RSPH1: variants seen among roughly 807,000 people sequenced by gnomAD.
RSPH1 encodes radial spoke head component 1, also known as radial spoke head 1 homolog.
A neutral mutation model predicts 44.2 loss-of-function variants in RSPH1; 32 were observed. The observed-to-expected ratio is 0.72, with a 90% CI of 0.55 to 0.97. The LOEUF is 0.97. RSPH1 is among the 50% of genes least tolerant of loss of function. RSPH1 has a pLI of 0.00. For synonymous variants in RSPH1, 134 were observed against 147.3 expected (o/e 0.91, Z 0.65); for missense variants, 391 against 398.7 (o/e 0.98, Z 0.16).
chr21:42,478,812 A>G (rs1044954557), intron 6 of RSPH1, among the ~76,000 whole-genome samples: 2 of 152,260 alleles, frequency 1.3e-5, no homozygotes, highest in Non-Finnish European at 2.9e-5. Flanking sequence ...CCATCAACAG[A>G]CAAATGGATA....
rs577891231 is a variant in RSPH1, at chr21:42,475,977, A to G, written c.798T>C (p.Pro266=). ...GGAGGACGTCTGCATCTTCATCTCCAGGCCTCATGTCCATCTCACCCTCGA... is the reference window on the plus strand; with the variant it reads ...GGAGGACGTCTGCATCTTCATCTCCGGGCCTCATGTCCATCTCACCCTCGA... The part of the protein sequence containing the change: ...EGFEGEMDMR[P]GDEDADVLRE... The change falls in exon 8 of 9, where the codon CCT becomes CCC. Residue 266 remains proline, a synonymous_variant. Transcript: ENST00000291536. 8 of 1,612,902 alleles carry G rather than the reference A, an allele frequency of 5.0e-6. No individual in the cohort carries two copies. The South Asian group carries it at 6.6e-5, about 13-fold the overall frequency.
chr21:42,475,254 C>T (rs973850243), intron 8 of RSPH1, among the ~76,000 whole-genome samples: 5 of 152,116 alleles, frequency 3.3e-5, no homozygotes, highest in African/African-American at 4.8e-5. Flanking sequence ...AGCTAGTTCC[C>T]GACACCACTA....
chr21:42,478,177 G>C (rs1032335145), intron 6 of RSPH1, among the ~76,000 whole-genome samples: 1 of 152,224 alleles, frequency 6.6e-6, no homozygotes, highest in Non-Finnish European at 1.5e-5. Flanking sequence ...TCAGTTTTGT[G>C]ACTATCACAA....
chr21:42,473,578 T>G (rs1056129648), intron 8 of RSPH1, among the ~76,000 whole-genome samples: 1 of 152,190 alleles, frequency 6.6e-6, no homozygotes, highest in African/African-American at 2.4e-5. Context: ...CTATTTTTTA[T>G]TATTAATTAA....
chr21:42,481,215 A>T (rs1191402416), intron 6 of RSPH1, among the ~76,000 whole-genome samples: 1 of 151,876 alleles, frequency 6.6e-6, no homozygotes, highest in Non-Finnish European at 1.5e-5. Flanking sequence ...ATATATATAT[A>T]TATACCTGGC....
At chr21:42,489,638 G>A (rs1317334423) in intron 3 of RSPH1, among the ~76,000 whole-genome samples, 3 of 152,206 alleles carry the variant, frequency 2.0e-5, no homozygotes, top group East Asian at 3.9e-4. Flanking sequence ...ACACTTATGG[G>A]GAAACACTCG....
chr21:42,493,209 C>G (rs1175582453), intron 1 of RSPH1, 130 bp from the exon 2 acceptor site: 16 of 758,594 alleles, frequency 2.1e-5, no homozygotes, highest in Non-Finnish European at 3.3e-5. Flanking sequence ...ACTCAATTGT[C>G]CCACCTTTCC....
At chr21:42,486,187 T>C in intron 4 of RSPH1, 184 bp downstream of exon 4, 1 of 601,398 alleles carries the variant, frequency 1.7e-6, no homozygotes, top group Non-Finnish European at 3.0e-6. Flanking sequence ...GTCAGATACT[T>C]GAGTCTACAC....
At chr21:42,488,939 G>A (rs971471430) in intron 3 of RSPH1, among the ~76,000 whole-genome samples, 3 of 152,064 alleles carry the variant, frequency 2.0e-5, no homozygotes, top group Admixed American at 1.3e-4. Flanking sequence ...TCTTGAACTT[G>A]TCAACTGAGG....
intron 3 of RSPH1, among the ~76,000 whole-genome samples, chr21:42,487,933 A>G (rs1313495050): frequency 6.6e-6 from 1 of 152,246 alleles, no homozygotes; most frequent in Non-Finnish European, 1.5e-5. Flanking sequence ...TGTACAAAGG[A>G]CAGTGCATGT....
intron 8 of RSPH1, among the ~76,000 whole-genome samples, chr21:42,473,455 A>T (rs2054013649): frequency 6.7e-6 from 1 of 149,314 alleles, no homozygotes; most frequent in Non-Finnish European, 1.5e-5. Context: ...ACGCCATTGC[A>T]CTTCAGCCTG....
At chr21:42,482,855 G>T in intron 5 of RSPH1, 147 bp from the exon 6 acceptor site, 1 of 579,236 alleles carries the variant, frequency 1.7e-6, no homozygotes, top group Non-Finnish European at 3.0e-6. Flanking sequence ...ACTCGTGGCT[G>T]ATGGGATTGG....
At chr21:42,493,133 G>GCATTTTGTAAATATGCTTTTGTAAATTTT in intron 1 of RSPH1, 54 bp from the exon 2 acceptor site, 1 of 1,423,208 alleles carries the variant, frequency 7.0e-7, no homozygotes, top group East Asian at 2.3e-5. Flanking sequence ...GCGCTAACCA[G>GCATTTTGTAAATATGCTTTTGTAAATTTT]GTGCTAAGCA....
At chr21:42,481,126 C>T (rs1275352617) in intron 6 of RSPH1, among the ~76,000 whole-genome samples, 1 of 152,086 alleles carries the variant, frequency 6.6e-6, no homozygotes, top group Non-Finnish European at 1.5e-5. Flanking sequence ...GCAGATCCCT[C>T]ATGAATGGTT....
chr21:42,492,687 A>C, intron 3 of RSPH1, 71 bp downstream of exon 3: 1 of 858,112 alleles, frequency 1.2e-6, no homozygotes, highest in Non-Finnish European at 1.9e-6. Flanking sequence ...GTCAGTATTC[A>C]CAGACAAGTT....
At chr21:42,475,122 T>C (rs1016835329) in intron 8 of RSPH1, among the ~76,000 whole-genome samples, 3 of 152,156 alleles carry the variant, frequency 2.0e-5, no homozygotes, top group Non-Finnish European at 4.4e-5. Flanking sequence ...TGGGGAAAGA[T>C]TTTTAAAGAT....
intron 7 of RSPH1, among the ~76,000 whole-genome samples, chr21:42,476,782 A>G (rs943852261): frequency 1.3e-5 from 2 of 151,830 alleles, no homozygotes; most frequent in Admixed American, 1.3e-4. Flanking sequence ...TGTCCAATCA[A>G]CTCTGTTTCT....
intron 3 of RSPH1, among the ~76,000 whole-genome samples, chr21:42,490,024 C>A (rs1308897717): frequency 6.6e-6 from 1 of 152,088 alleles, no homozygotes; most frequent in Non-Finnish European, 1.5e-5. Flanking sequence ...TGCTCTTTCT[C>A]CCCCTTAACC....
rs1404242124 is a variant in RSPH1, at chr21:42,472,872, T to C, written c.878-2A>G. 2 of 1,599,950 alleles carry C rather than the reference T, an allele frequency of 1.3e-6. No homozygotes were observed. Among genetic ancestry groups the C allele is most frequent in the East Asian group, 2.2e-5 (1 of 44,834 alleles). ...CTTCTTCTTCAGAATTAATGTTTCC[T>C]GAAAAGAAAAGAGAAACATGAGTAT... On this transcript the variant is annotated splice_acceptor_variant, in intron 8 of 8. Coordinates refer to ENST00000291536, the MANE Select transcript of RSPH1 (RefSeq NM_080860.4). LOFTEE classifies it high-confidence loss of function.
Sources: allele counts gnomAD v4.1 joint callset (sites outside exome capture counted in the v4.1 genomes callset), GRCh38; gene constraint gnomAD v4.1.1; transcripts MANE v1.5; gene names NCBI Gene and HGNC (gene_info 2026-07-23, HGNC 2026-07-21).